HAPLN1: variants seen among roughly 807,000 people sequenced by gnomAD.
The protein encoded by HAPLN1 is Cartilage link protein.
HAPLN1 carries 13 observed loss-of-function variants against 36.5 expected under a neutral mutation model. The observed-to-expected ratio is 0.36, with a 90% CI of 0.23 to 0.57. The LOEUF is 0.57. HAPLN1 is among the 20% of genes least tolerant of loss of function. The pLI, the probability that HAPLN1 is intolerant of heterozygous loss-of-function variation, is 0.83. For missense variants in HAPLN1, 407 were observed against 439.7 expected, an observed-to-expected ratio of 0.93 and a Z score of 0.66; for synonymous variants, 202 against 169.8, an observed-to-expected ratio of 1.19 and a Z score of -1.48.
At chr5:83,667,062 T>C (rs1750570064) in intron 2 of HAPLN1, among the ~76,000 whole-genome samples, 1 of 152,206 alleles carries the variant, frequency 6.6e-6, no homozygotes. Flanking sequence ...TATAAATTGT[T>C]GAATGCAGAG....
intron 1 of HAPLN1, among the ~76,000 whole-genome samples, chr5:83,714,640 A>C (rs955533043): frequency 6.6e-6 from 1 of 152,164 alleles, no homozygotes; most frequent in Non-Finnish European, 1.5e-5. Flanking sequence ...TTTCAACATG[A>C]TGGCTGATTC....
At chr5:83,689,712 C>T (rs1037969726) in intron 1 of HAPLN1, among the ~76,000 whole-genome samples, 3 of 151,848 alleles carry the variant, frequency 2.0e-5, no homozygotes, top group African/African-American at 7.3e-5. Context: ...TACTACATAC[C>T]CCCAGTTATT....
intron 1 of HAPLN1, among the ~76,000 whole-genome samples, chr5:83,689,933 CAA>C (rs1406756990): frequency 1.3e-5 from 2 of 151,954 alleles, no homozygotes; most frequent in African/African-American, 2.4e-5. Context: ...TATGAACAAA[CAA>C]AATATCTCAT....
rs1750560213 is a variant in HAPLN1, at chr5:83,666,670, T to C, written c.100+6754A>G. 1.3e-5 allele frequency among the ~76,000 whole-genome samples: 2 copies of C among 152,184 alleles called. 1 individual carries two copies. Among genetic ancestry groups the C allele is most frequent in the South Asian group, 4.1e-4 (2 of 4,828 alleles). ...CTCTATTAAGTGATTAAAAATTTAA[T>C]GGATATAGTTCAAAGTTCTAAATAA... On this transcript the variant is annotated intron_variant, in intron 2 of 4. Transcript: ENST00000274341.
At chr5:83,690,882 T>A (rs148287385) in intron 1 of HAPLN1, among the ~76,000 whole-genome samples, 1 of 152,184 alleles carries the variant, frequency 6.6e-6, no homozygotes, top group Admixed American at 6.5e-5. Flanking sequence ...TTTATATGAA[T>A]GCATGTGTTA....
chr5:83,702,718 C>T (rs1751538935), intron 1 of HAPLN1, among the ~76,000 whole-genome samples: 2 of 145,926 alleles, frequency 1.4e-5, no homozygotes, highest in Non-Finnish European at 1.5e-5. Flanking sequence ...TTTCAATATG[C>T]CCTCTTTTTT....
In HAPLN1 at chr5:83,661,655, G is replaced by A. The variant is rs143139723; in HGVS notation, c.101-8831C>T. 7.5e-3 allele frequency among the ~76,000 whole-genome samples: 1,146 copies of A among 151,890 alleles called. 20 individuals carry two copies. Among genetic ancestry groups the A allele is most frequent in the African/African-American group, 0.026 (1,084 of 41,412 alleles). ...GAGACGGGGTTTCACCGTGTTAGCC[G>A]GGATGGTCTCGATCCCTGACCTCGT... On this transcript the variant is annotated intron_variant, in intron 2 of 4. Coordinates refer to ENST00000274341, the MANE Select transcript of HAPLN1 (RefSeq NM_001884.4).
At chr5:83,701,764 C>T (rs1486106537) in intron 1 of HAPLN1, among the ~76,000 whole-genome samples, 1 of 152,052 alleles carries the variant, frequency 6.6e-6, no homozygotes, top group South Asian at 2.1e-4. Context: ...ACGGTGAAAC[C>T]CCGTCTCTAC....
chr5:83,674,964 G>T (rs1033339049), intron 1 of HAPLN1, among the ~76,000 whole-genome samples: 3 of 152,110 alleles, frequency 2.0e-5, no homozygotes, highest in African/African-American at 7.2e-5. Flanking sequence ...TAAAGAAGAT[G>T]GTAGATAAGC....
intron 3 of HAPLN1, among the ~76,000 whole-genome samples, chr5:83,646,508 T>C (rs1303418837): frequency 1.3e-5 from 2 of 152,186 alleles, no homozygotes; most frequent in Non-Finnish European, 2.9e-5. Context: ...TCACATCCAC[T>C]GAAGGCCTCG....
intron 1 of HAPLN1, among the ~76,000 whole-genome samples, chr5:83,707,575 A>G (rs1751681296): frequency 1.3e-5 from 2 of 152,380 alleles, no homozygotes; most frequent in African/African-American, 4.8e-5. Flanking sequence ...CCATATACAA[A>G]AATCAACTCA....
chr5:83,695,880 T>G (rs1431050601), intron 1 of HAPLN1, among the ~76,000 whole-genome samples: 1 of 151,928 alleles, frequency 6.6e-6, no homozygotes, highest in Non-Finnish European at 1.5e-5. Context: ...GCATTTACGT[T>G]TTTACCATTT....
At chr5:83,644,805 C>T (rs76195513) in intron 3 of HAPLN1, 140 bp from the exon 4 acceptor site, 1 of 497,880 alleles carries the variant, frequency 2.0e-6, no homozygotes, top group East Asian at 3.5e-5. Flanking sequence ...AACTGTTTCT[C>T]ATGATCCCTT....
chr5:83,698,520 A>G (rs544950333), intron 1 of HAPLN1, among the ~76,000 whole-genome samples: 56 of 152,298 alleles, frequency 3.7e-4, no homozygotes, highest in African/African-American at 1.2e-3. Flanking sequence ...AACTAAATCT[A>G]TCAGTGTTTT....
chr5:83,648,395 CTATATATATATATATATATATA>C lies in HAPLN1; in HGVS notation c.473-3752_473-3731del, dbSNP rs56115447. On this transcript the variant is annotated intron_variant, in intron 3 of 4. Coordinates refer to ENST00000274341, the MANE Select transcript of HAPLN1 (RefSeq NM_001884.4). ...GGATGTGGCCTCTTCCTATATTTGA[CTATATATATATATATATATATA>C]TATATATATATATATATATATGGTT... Among the ~76,000 whole-genome samples the C allele has an allele frequency of 5.5e-3, 332 of 60,672 alleles. 7 individuals are homozygous for C. Among genetic ancestry groups the C allele is most frequent in the African/African-American group, 0.017 (295 of 16,880 alleles). 39.8% of individuals were successfully genotyped at this position (60,672 alleles called of 152,430 possible).
intron 1 of HAPLN1, among the ~76,000 whole-genome samples, chr5:83,717,495 G>A (rs1321623814): frequency 1.3e-5 from 2 of 152,062 alleles, no homozygotes; most frequent in Non-Finnish European, 2.9e-5. Context: ...TTCTACTGAG[G>A]CATTTTACCT....
intron 1 of HAPLN1, among the ~76,000 whole-genome samples, chr5:83,707,334 T>C (rs959959323): frequency 6.6e-6 from 1 of 152,150 alleles, no homozygotes; most frequent in Non-Finnish European, 1.5e-5. Context: ...CTTCAAACTA[T>C]ACTACAGGGC....
intron 4 of HAPLN1, among the ~76,000 whole-genome samples, chr5:83,643,273 C>A (rs1366187929): frequency 6.6e-6 from 1 of 150,810 alleles, no homozygotes; most frequent in Non-Finnish European, 1.5e-5. Flanking sequence ...ATTTGGGAAC[C>A]AGGGAGGTGG....
intron 1 of HAPLN1, among the ~76,000 whole-genome samples, chr5:83,708,684 CTT>C (rs1285785776): frequency 6.6e-6 from 1 of 152,032 alleles, no homozygotes; most frequent in Admixed American, 6.6e-5. Flanking sequence ...ATATCACAAA[CTT>C]TTACATGTAT....
Sources: allele counts gnomAD v4.1 joint callset (sites outside exome capture counted in the v4.1 genomes callset), GRCh38; gene constraint gnomAD v4.1.1; transcripts MANE v1.5; gene names NCBI Gene and HGNC (gene_info 2026-07-23, HGNC 2026-07-21).